METTL25: variants seen among roughly 807,000 people sequenced by gnomAD.
METTL25 encodes the protein methyltransferase like 25.
METTL25 carries 64 observed loss-of-function variants against 71.6 expected under a neutral mutation model. That is an observed-to-expected ratio of 0.89 (90% CI 0.73 to 1.10). The LOEUF (loss-of-function observed/expected upper bound fraction) is 1.10. METTL25 is among the 50% of genes least tolerant of loss of function. The pLI is 0.00. For synonymous variants in METTL25, 287 were observed against 250.3 expected, an observed-to-expected ratio of 1.15 and a Z score of -1.38; for missense variants, 807 against 707.0, an observed-to-expected ratio of 1.14 and a Z score of -1.60.
chr12:82,437,813 T>C (rs965874489), intron 7 of METTL25, among the ~76,000 whole-genome samples: 1 of 151,670 alleles, frequency 6.6e-6, no homozygotes, highest in Non-Finnish European at 1.5e-5. Context: ...TCCGTATTGT[T>C]GTCCTCCTTC....
chr12:82,362,181 TC>T (rs1319981629), intron 1 of METTL25, among the ~76,000 whole-genome samples: 2 of 152,192 alleles, frequency 1.3e-5, no homozygotes, highest in Non-Finnish European at 1.5e-5. Flanking sequence ...CCTAAGAGTT[TC>T]TTCTTCATTG....
At chr12:82,449,565 G>GT (rs1418499853) in intron 8 of METTL25, among the ~76,000 whole-genome samples, 3 of 152,186 alleles carry the variant, frequency 2.0e-5, no homozygotes, top group African/African-American at 7.2e-5. Flanking sequence ...GAAATTCTGG[G>GT]TTTTTTAAAA....
At chr12:82,358,941 G>C in intron 1 of METTL25, 117 bp downstream of exon 1, 2 of 1,289,258 alleles carry the variant, frequency 1.6e-6, no homozygotes, top group South Asian at 1.4e-5. Context: ...AGGCGGGGCG[G>C]CCCGCTGGGA....
chr12:82,398,427 T>C (rs1886273946), intron 3 of METTL25, among the ~76,000 whole-genome samples: 1 of 152,014 alleles, frequency 6.6e-6, no homozygotes, highest in East Asian at 1.9e-4. Flanking sequence ...GATGATTCGT[T>C]GTTAATTCTA....
At position 82,478,923 on chromosome 12, in the gene METTL25, A is replaced by G; in HGVS notation, c.1720-9A>G. 1 of 1,604,990 alleles carries G rather than the reference A, an allele frequency of 6.2e-7. No homozygotes were observed. On this transcript the variant is annotated splice_polypyrimidine_tract_variant and intron_variant, in intron 11 of 11. Transcript: ENST00000248306. ...TGGTTGTATATCTAAATCACTTATTAATTTACAGGAAGATATTGCATGGTC... is the reference window on the plus strand; with the variant it reads ...TGGTTGTATATCTAAATCACTTATTGATTTACAGGAAGATATTGCATGGTC...
intron 4 of METTL25, among the ~76,000 whole-genome samples, chr12:82,402,462 C>T (rs1353265185): frequency 6.6e-6 from 1 of 151,450 alleles, no homozygotes; most frequent in Non-Finnish European, 1.5e-5. Context: ...AGTTGTTAAG[C>T]AAATATTAGT....
intron 11 of METTL25, among the ~76,000 whole-genome samples, chr12:82,477,807 T>C (rs1039381281): frequency 3.3e-5 from 5 of 151,800 alleles, no homozygotes; most frequent in Admixed American, 2.6e-4. Flanking sequence ...ATCTTACTTA[T>C]CTATGTTAAA....
At chr12:82,416,868 G>A (rs960754306) in intron 5 of METTL25, among the ~76,000 whole-genome samples, 37 of 151,966 alleles carry the variant, frequency 2.4e-4, no homozygotes, top group African/African-American at 5.3e-4. Flanking sequence ...CCTTTTATCC[G>A]TAGGCAATAT....
intron 9 of METTL25, among the ~76,000 whole-genome samples, chr12:82,462,768 C>G (rs1891972221): frequency 6.6e-6 from 1 of 152,026 alleles, no homozygotes; most frequent in African/African-American, 2.4e-5. Context: ...TTCCAGGACT[C>G]CCATGGATAT....
At chr12:82,361,106 A>G (rs1202375621) in intron 1 of METTL25, among the ~76,000 whole-genome samples, 2 of 152,100 alleles carry the variant, frequency 1.3e-5, no homozygotes, top group African/African-American at 4.8e-5. Context: ...CATCCTGCCG[A>G]TTGGTCCATT....
In METTL25 at chr12:82,421,041, T is replaced by A. The variant is rs1253874424; in HGVS notation, c.1280-9852T>A. On this transcript the variant is annotated intron_variant, in intron 5 of 11. Transcript: ENST00000248306. The stretch of plus-strand genomic sequence containing the variant: ...CATGCCTGGCTAATTTTTAAATTTT[T>A]AGTACAGACGGGGTTTCGCCATGTT... 2.0e-5 allele frequency among the ~76,000 whole-genome samples: 3 copies of A among 152,086 alleles called. No homozygotes were observed. The East Asian group carries it at 5.8e-4, about 29-fold the overall frequency.
At chr12:82,453,238 T>C (rs774717488) in intron 8 of METTL25, among the ~76,000 whole-genome samples, 4 of 152,134 alleles carry the variant, frequency 2.6e-5, no homozygotes, top group Non-Finnish European at 5.9e-5. Context: ...ACACTAAAAT[T>C]CTGTTTCCTT....
intron 5 of METTL25, among the ~76,000 whole-genome samples, chr12:82,423,385 A>G (rs557601167): frequency 1.1e-3 from 168 of 152,340 alleles, no homozygotes; most frequent in African/African-American, 3.4e-3. Flanking sequence ...TTATACAAAA[A>G]TTAATTCAAG....
chr12:82,423,969 A>T (rs1208731516), intron 5 of METTL25, among the ~76,000 whole-genome samples: 1 of 152,170 alleles, frequency 6.6e-6, no homozygotes, highest in Non-Finnish European at 1.5e-5. Context: ...ATTGTGGAAG[A>T]CAGTGTGGCA....
chr12:82,387,205 A>G (rs1284301326), intron 2 of METTL25, among the ~76,000 whole-genome samples: 4 of 152,152 alleles, frequency 2.6e-5, no homozygotes. Context: ...TGTAACTTCT[A>G]CTGCAGATAG....
chr12:82,477,940 G>A (rs145029338), intron 11 of METTL25, among the ~76,000 whole-genome samples: 3 of 151,748 alleles, frequency 2.0e-5, no homozygotes, highest in East Asian at 1.9e-4. Context: ...TGGACTCACC[G>A]AATGTTTCCG....
intron 5 of METTL25, among the ~76,000 whole-genome samples, chr12:82,408,985 A>G (rs536996506): frequency 8.8e-4 from 134 of 152,286 alleles, no homozygotes; most frequent in African/African-American, 3.0e-3. Flanking sequence ...GAATTGGGGC[A>G]GTGTTGCCCT....
chr12:82,457,602 C>A (rs1365966915), intron 9 of METTL25, among the ~76,000 whole-genome samples: 1 of 151,876 alleles, frequency 6.6e-6, no homozygotes. Flanking sequence ...TCAGTTTCCT[C>A]CCCTTTAAAA....
intron 8 of METTL25, among the ~76,000 whole-genome samples, chr12:82,443,392 C>T (rs571102164): frequency 1.4e-5 from 2 of 147,102 alleles, no homozygotes; most frequent in Non-Finnish European, 3.0e-5. Flanking sequence ...TCAGTGATGT[C>T]TTCAAAGTGC....
Sources: allele counts gnomAD v4.1 joint callset (sites outside exome capture counted in the v4.1 genomes callset), GRCh38; gene constraint gnomAD v4.1.1; transcripts MANE v1.5; gene names NCBI Gene and HGNC (gene_info 2026-07-23, HGNC 2026-07-21).